KMT2D: variants seen among roughly 807,000 people sequenced by gnomAD.
KMT2D encodes the protein lysine methyltransferase 2D, also known as histone-lysine N-methyltransferase 2D.
KMT2D carries 55 observed loss-of-function variants against 512.7 expected under a neutral mutation model. The ratio of observed to expected loss-of-function variants is 0.11; its 90% CI spans 0.09 to 0.13. The LOEUF is 0.13. Among genes scored for constraint, KMT2D ranks in the 10% least tolerant of loss-of-function variants. The pLI, the probability that KMT2D is intolerant of heterozygous loss-of-function variation, is 1.00. For missense variants in KMT2D, 6,061 were observed against 7,127.9 expected (o/e 0.85, Z 5.39); for synonymous variants, 2,995 against 2,904.0 (o/e 1.03, Z -1.01).
chr12:49,039,510 G>A lies in KMT2D; in HGVS notation c.8154C>T (p.Gly2718=), dbSNP rs376135377. The change falls in exon 33 of 55, where the codon GGC becomes GGT. Residue 2718 remains glycine (G), a synonymous_variant. Coordinates refer to ENST00000301067, the MANE Select transcript of KMT2D (RefSeq NM_003482.4). The surrounding 1 kb of genome is among the most constrained non-coding windows in gnomAD (Gnocchi z 5.0). ...GGCTGCTGGGCTCAGCACCCCAGCT[G>A]CCTGGAGGCCCCACTGCTCCTGCAG... ...AAAAGAVGPP[G]SWGAEPSSPA... 1 of 1,612,054 alleles carries A rather than the reference G, an allele frequency of 6.2e-7. No homozygotes were observed. The highest frequency in any genetic ancestry group is 8.5e-7 in the Non-Finnish European group (1 of 1,179,176).
At position 49,042,926 on chromosome 12, in the gene KMT2D, T is replaced by C; in HGVS notation, c.5645-48A>G. 1.2e-6 allele frequency: 2 copies of C among 1,610,592 alleles called. No homozygotes were observed. Among genetic ancestry groups the C allele is most frequent in the Non-Finnish European group, 1.7e-6 (2 of 1,177,448 alleles). On this transcript the variant is annotated intron_variant, in intron 26 of 54. Transcript: ENST00000301067. This position sits in a 1 kb window ranked among gnomAD's most constrained non-coding sequence, Gnocchi z 4.4. ...GTTGAGGAAGACTGGGAAGTTCAGG[T>C]GACACCACAGGTCTACAAATGATCA...
Position 49,054,170 on chromosome 12 carries a change from C to T in KMT2D, c.511-30G>A, listed in dbSNP as rs778490171. 1.3e-6 allele frequency: 2 copies of T among 1,564,216 alleles called. No individual in the cohort carries two copies. The highest frequency in any genetic ancestry group is 2.3e-5 in the South Asian group (2 of 85,396). ...CAGGGTGAAAAAAGAGCCTCAGTGT[C>T]AGCCAGCTCTCCCCAGACAAACAGT... On this transcript the variant is annotated intron_variant, in intron 5 of 54. Coordinates refer to ENST00000301067, the MANE Select transcript of KMT2D (RefSeq NM_003482.4). The surrounding 1 kb of genome is among the most constrained non-coding windows in gnomAD (Gnocchi z 6.4).
At chr12:49,057,498 A>G (rs995746657) in intron 1 of KMT2D, among the ~76,000 whole-genome samples, 1 of 152,194 alleles carries the variant, frequency 6.6e-6, no homozygotes, top group African/African-American at 2.4e-5. Flanking sequence ...TCTGGCCTTG[A>G]GAGAGTACTA....
rs2120647276 is a variant in KMT2D at position 49,050,216 on chromosome 12, A to G, written c.3372T>C (p.Pro1124=). The G allele has an allele frequency of 6.2e-7, 1 of 1,613,252 alleles. No homozygotes were observed. The highest frequency in any genetic ancestry group is 8.5e-7 in the Non-Finnish European group (1 of 1,179,732). ...AACCCGGAGCATCAATCCCATCCAG[A>G]GGGGCTGTGTCTTCCCCTAGGCCAG... ...DFSGLGEDTA[P]LDGIDAPGSQ... is the part of the protein sequence containing the mutation. The change falls in exon 12 of 55, where the codon CCT becomes CCC. Residue 1124 remains proline (P), a synonymous_variant. Transcript: ENST00000301067.
chr12:49,039,191 T>A lies in KMT2D; in HGVS notation c.8366+31A>T. On this transcript the variant is annotated intron_variant, in intron 34 of 54. Transcript: ENST00000301067. The surrounding 1 kb of genome is among the most constrained non-coding windows in gnomAD (Gnocchi z 5.0). ...CAGTGATAAAATCCATCCCCCTTGG[T>A]TTACCCCCAGGGAACCTCCTGGAGC... The A allele has an allele frequency of 6.2e-7, 1 of 1,611,452 alleles. No individual in the cohort carries two copies. The highest frequency in any genetic ancestry group is 8.5e-7 in the Non-Finnish European group (1 of 1,178,850).
At chr12:49,034,690 G>C in intron 36 of KMT2D, 24 bp from the exon 37 acceptor site, 11 of 1,610,316 alleles carry the variant, frequency 6.8e-6, no homozygotes, top group Non-Finnish European at 9.3e-6. Flanking sequence ...AAGCACAGAA[G>C]ATAAGTGTTG....
intron 14 of KMT2D, 55 bp from the exon 15 acceptor site, chr12:49,048,124 G>C (rs2120621811): frequency 8.3e-7 from 1 of 1,206,788 alleles, no homozygotes; most frequent in South Asian, 1.3e-5. Flanking sequence ...ATCCCACTCA[G>C]ATCCAGTCTA....
Position 49,054,164 on chromosome 12 carries a change from C to T in KMT2D, c.511-24G>A, listed in dbSNP as rs2120705410. ...CGCTGCCAGGGTGAAAAAAGAGCCT[C>T]AGTGTCAGCCAGCTCTCCCCAGACA... On this transcript the variant is annotated intron_variant, in intron 5 of 54. Transcript: ENST00000301067. The surrounding 1 kb of genome is among the most constrained non-coding windows in gnomAD (Gnocchi z 6.4). 1 of 1,567,330 alleles carries T rather than the reference C, an allele frequency of 6.4e-7. No individual in the cohort carries two copies.
chr12:49,050,836 A>AT (rs774132131), intron 11 of KMT2D, 46 bp from the exon 12 acceptor site: 2 of 1,570,014 alleles, frequency 1.3e-6, no homozygotes, highest in East Asian at 2.3e-5. Context: ...TAGATGTGCC[A>AT]TGAAGAGTTA....
rs1421460851 is a variant in KMT2D, at chr12:49,054,749, C to A, written c.179G>T (p.Gly60Val). ...GAGAGCACAACGCCGCACCGGACCC[C>A]CACTGTGGACACACAAGCATCAGTA... ...RLQETPQDCS[G>V]GPVRRCALCN... The change falls in exon 4 of 55, where the codon GGG (glycine) becomes GTG (valine). Residue 60 changes from glycine to valine, a missense_variant and splice_region_variant. This residue lies in a region of KMT2D where 144 missense variants were observed against 165.7 expected (regional missense o/e 0.87). Transcript: ENST00000301067. The surrounding 1 kb of genome is among the most constrained non-coding windows in gnomAD (Gnocchi z 6.4). 2 of 1,613,782 alleles carry A rather than the reference C, an allele frequency of 1.2e-6. No individual in the cohort carries two copies. The highest frequency in any genetic ancestry group is 1.7e-6 in the Non-Finnish European group (2 of 1,179,802).
At position 49,046,214 on chromosome 12, in the gene KMT2D, CG is replaced by C. The variant is rs1276742554; in HGVS notation, c.4584-41del. ...CTGGAGGAAATAAGCTCAGGCAATG[CG>C]AGGCTGGCAACAGGGCCAAAGTGAG... On this transcript the variant is annotated intron_variant, in intron 17 of 54. Transcript: ENST00000301067. This position sits in a 1 kb window ranked among gnomAD's most constrained non-coding sequence, Gnocchi z 4.2. 2 of 1,612,856 alleles carry C rather than the reference CG, an allele frequency of 1.2e-6. No individual in the cohort carries two copies. Among genetic ancestry groups the C allele is most frequent in the Non-Finnish European group, 1.7e-6 (2 of 1,179,350 alleles).
In KMT2D at chr12:49,038,354, T is replaced by C. The variant is rs371231725; in HGVS notation, c.9002A>G (p.Lys3001Arg). 3 of 1,613,756 alleles carry C rather than the reference T, an allele frequency of 1.9e-6. No individual in the cohort carries two copies. Among genetic ancestry groups the C allele is most frequent in the African/African-American group, 2.7e-5 (2 of 74,888 alleles). Residue 3001 changes from lysine (K) to arginine (R), a missense_variant, in exon 35 of 55, where the codon AAG (lysine) becomes AGG (arginine). Lys to Arg is a conservative substitution (Grantham distance 26). Transcript: ENST00000301067. The surrounding 1 kb of genome is among the most constrained non-coding windows in gnomAD (Gnocchi z 5.7). The part of the protein sequence containing the change: ...PELDDDFDAH[K>R]ALEDDEELAH... The stretch of plus-strand genomic sequence containing the variant: ...AAGCTCTTCATCATCCTCTAGGGCC[T>C]TGTGGGCATCAAAATCGTCATCCAG...
rs1160277007 is a variant in KMT2D, at chr12:49,044,518, A to G, written c.4968T>C (p.Gly1656=). 1 of 1,613,708 alleles carries G rather than the reference A, an allele frequency of 6.2e-7. No individual in the cohort carries two copies. Among genetic ancestry groups the G allele is most frequent in the African/African-American group, 1.3e-5 (1 of 74,866 alleles). Residue 1656 remains glycine, a synonymous_variant, in exon 21 of 55, where the codon GGT becomes GGC. Coordinates refer to ENST00000301067, the MANE Select transcript of KMT2D (RefSeq NM_003482.4). The surrounding 1 kb of genome is among the most constrained non-coding windows in gnomAD (Gnocchi z 6.4). ...DTDELLKGEG[G]VEHMECEIKL... is the part of the protein sequence containing the mutation. ...TAATTTCGCACTCCATGTGCTCCACACCACCTGCGTATGGTGACAGAAGAG... is the reference window on the plus strand; with the variant it reads ...TAATTTCGCACTCCATGTGCTCCACGCCACCTGCGTATGGTGACAGAAGAG...
intron 15 of KMT2D, among the ~76,000 whole-genome samples, chr12:49,047,041 T>C (rs1156575316): frequency 4.6e-5 from 7 of 152,032 alleles, no homozygotes; most frequent in African/African-American, 1.4e-4. Flanking sequence ...AGTCAGAGTT[T>C]CACCATGTTA....
At chr12:49,052,734 C>G (rs1183357730) in intron 9 of KMT2D, 25 bp from the exon 10 acceptor site, 5 of 1,608,064 alleles carry the variant, frequency 3.1e-6, no homozygotes, top group Non-Finnish European at 4.3e-6. Context: ...GGGGAGCAGG[C>G]ACTGTGGCTC....
Position 49,041,464 on chromosome 12 carries a change from T to C in KMT2D, c.6306A>G (p.Leu2102=). ...DIARKTDRPA[L]HLRIPPQPGA... Reference sequence around the variant, plus strand: ...CTGGCTGCGGGGGAATGCGGAGATGTAGGGCCGGTCGGTCAGTCTTACGGG... The same window carrying C: ...CTGGCTGCGGGGGAATGCGGAGATGCAGGGCCGGTCGGTCAGTCTTACGGG... Residue 2102 remains leucine (L), a synonymous_variant, in exon 32 of 55, where the codon CTA becomes CTG. Coordinates refer to ENST00000301067, the MANE Select transcript of KMT2D (RefSeq NM_003482.4). The surrounding 1 kb of genome is among the most constrained non-coding windows in gnomAD (Gnocchi z 5.4). 3 of 1,613,374 alleles carry C rather than the reference T, an allele frequency of 1.9e-6. No homozygotes were observed. Among genetic ancestry groups the C allele is most frequent in the African/African-American group, 1.3e-5 (1 of 74,972 alleles).
Position 49,031,992 on chromosome 12 carries a change from C to A in KMT2D, c.12713G>T (p.Arg4238Leu), listed in dbSNP as rs769256800. Reference sequence around the variant, plus strand: ...AGGCTCCTGGTAGGGTGGGGTCTGGCGTACTGCCTGACTCTGCTGCAGCTG... The same window carrying A: ...AGGCTCCTGGTAGGGTGGGGTCTGGAGTACTGCCTGACTCTGCTGCAGCTG... ...QRQLQQSQAV[R>L]QTPPYQEPGT... is the part of the protein sequence containing the mutation. The change falls in exon 40 of 55, where the codon CGC (arginine) becomes CTC (leucine). Residue 4238 changes from arginine (R) to leucine (L), a missense_variant. This residue lies in a region of KMT2D where 1,600 missense variants were observed against 1,754.9 expected (regional missense o/e 0.91). Coordinates refer to ENST00000301067, the MANE Select transcript of KMT2D (RefSeq NM_003482.4). 3.8e-6 allele frequency: 6 copies of A among 1,592,976 alleles called. No individual in the cohort carries two copies. The African/African-American group carries it at 4.0e-5, about 11-fold the overall frequency.
Position 49,042,328 on chromosome 12 carries a change from T to A in KMT2D, c.5870A>T (p.Glu1957Val). The change falls in exon 29 of 55, where the codon GAG becomes GTG. Residue 1957 changes from glutamate (E) to valine (V), a missense_variant and splice_region_variant. Around this residue, in one of 16 missense-constraint regions of KMT2D, gnomAD observed 640 missense variants for 814.3 expected, o/e 0.79. Transcript: ENST00000301067. This position sits in a 1 kb window ranked among gnomAD's most constrained non-coding sequence, Gnocchi z 4.4. ...TTCCGGGCTAAAGAAGCCCCCGCGC[T>A]CCCTGGGGCGCAGGGGCAGAGAGTC... ...LCQSPFLDSRERGGFFSPEPG... is the reference protein window; with the variant it reads ...LCQSPFLDSRVRGGFFSPEPG... The A allele has an allele frequency of 6.5e-7, 1 of 1,528,036 alleles. No homozygotes were observed. Among genetic ancestry groups the A allele is most frequent in the Non-Finnish European group, 8.8e-7 (1 of 1,136,842 alleles). The allele number at this position is 1,528,036 out of a possible 1,614,324, so 94.7% of individuals were successfully genotyped here. A position where few individuals can be genotyped will look rare whatever the true frequency, so the allele number is the denominator to read the frequency against.
In KMT2D at chr12:49,050,556, G is replaced by A. The variant is rs760253122; in HGVS notation, c.3032C>T (p.Pro1011Leu). ...LPPSPGSPVGPASPILMEPLP... is the reference protein window; with the variant it reads ...LPPSPGSPVGLASPILMEPLP... ...GGGCTCCATCAGGATGGGAGAAGCC[G>A]GCCCCACTGGGGAGCCTGGAGATGG... The change falls in exon 12 of 55, where the codon CCG (proline) becomes CTG (leucine). Residue 1011 changes from proline (P) to leucine (L), a missense_variant. This residue lies in a region of KMT2D where 447 missense variants were observed against 500.1 expected (regional missense o/e 0.89). Transcript: ENST00000301067. 9.3e-6 allele frequency: 15 copies of A among 1,604,348 alleles called. No individual in the cohort carries two copies. Among genetic ancestry groups the A allele is most frequent in the Non-Finnish European group, 1.1e-5 (13 of 1,173,086 alleles).
Sources: allele counts gnomAD v4.1 joint callset (sites outside exome capture counted in the v4.1 genomes callset), GRCh38; gene constraint gnomAD v4.1.1; regional missense constraint gnomAD v4.1.1; non-coding constraint Gnocchi (gnomAD v3.1); transcripts MANE v1.5; gene names NCBI Gene and HGNC (gene_info 2026-07-23, HGNC 2026-07-21).